Variants in PGM5 observed in about 807,000 individuals in gnomAD.
PGM5 encodes the protein phosphoglucomutase-like protein 5.
PGM5 carries 23 observed loss-of-function variants against 59.2 expected under a neutral mutation model. The observed-to-expected ratio is 0.39, with a 90% confidence interval of 0.28 to 0.55. PGM5 has a LOEUF of 0.55. PGM5 is among the 20% of genes least tolerant of loss of function. The pLI is 0.66. For missense variants in PGM5, 574 were observed against 748.3 expected (o/e 0.77, Z 2.72); for synonymous variants, 214 against 286.0 (o/e 0.75, Z 2.54).
At chr9:68,478,466 T>C (rs986660171) in intron 7 of PGM5, among the ~76,000 whole-genome samples, 1 of 152,178 alleles carries the variant, frequency 6.6e-6, no homozygotes, top group Admixed American at 6.5e-5. Flanking sequence ...TCTGTATTAA[T>C]CTCCTAGGGC....
chr9:68,380,529 C>T (rs1283909051), intron 2 of PGM5, among the ~76,000 whole-genome samples: 1 of 151,424 alleles, frequency 6.6e-6, no homozygotes, highest in African/African-American at 2.4e-5. Flanking sequence ...AACATTATGC[C>T]CCAAGGAGCT....
At chr9:68,509,716 G>A (rs1034192645) in intron 10 of PGM5, among the ~76,000 whole-genome samples, 1 of 152,108 alleles carries the variant, frequency 6.6e-6, no homozygotes, top group Non-Finnish European at 1.5e-5. Context: ...TGATGAGAAG[G>A]TTTAGGATTA....
chr9:68,435,137 ACTAC>A (rs1383941465), intron 6 of PGM5, among the ~76,000 whole-genome samples: 13 of 152,114 alleles, frequency 8.5e-5, no homozygotes, highest in African/African-American at 3.1e-4. Flanking sequence ...CCTTGAGCAC[ACTAC>A]CTAAGGAGAG....
chr9:68,382,243 C>G (rs2770877), intron 2 of PGM5, among the ~76,000 whole-genome samples: 1 of 151,598 alleles, frequency 6.6e-6, no homozygotes, highest in South Asian at 2.1e-4. Flanking sequence ...TAATTTTGGA[C>G]CAGGGCACCA....
At chr9:68,365,477 G>A (rs1471845733) in intron 1 of PGM5, among the ~76,000 whole-genome samples, 1 of 151,674 alleles carries the variant, frequency 6.6e-6, no homozygotes, top group African/African-American at 2.4e-5. Flanking sequence ...TATGTGACTT[G>A]TTAAAATGAA....
intron 6 of PGM5, among the ~76,000 whole-genome samples, chr9:68,457,017 A>G (rs10868856): frequency 0.27 from 41,346 of 151,946 alleles, 6,776 homozygotes; most frequent in South Asian, 0.39. Flanking sequence ...ATATATTTTC[A>G]TATTGGCCAA....
Position 68,494,211 on chromosome 9 carries a change from G to A in PGM5, c.1480-5016G>A, listed in dbSNP as rs782606395. ...TCACAGTTGCTCCAGGAATTCCTAC[G>A]AAGACTGTGCTAAAAAAAAAAAATA... On this transcript the variant is annotated intron_variant, in intron 9 of 10. Transcript: ENST00000396396. Among the ~76,000 whole-genome samples, 26 of 151,924 alleles carry A rather than the reference G, an allele frequency of 1.7e-4. 1 individual carries two copies. Among genetic ancestry groups the A allele is most frequent in the Admixed American group, 1.4e-3 (22 of 15,260 alleles).
intron 7 of PGM5, among the ~76,000 whole-genome samples, chr9:68,473,297 G>A (rs1219161974): frequency 6.6e-6 from 1 of 152,152 alleles, no homozygotes; most frequent in Non-Finnish European, 1.5e-5. Flanking sequence ...GTAAACTGGA[G>A]AAATAAAGGG....
At chr9:68,508,141 A>G (rs1354071751) in intron 10 of PGM5, among the ~76,000 whole-genome samples, 1 of 152,182 alleles carries the variant, frequency 6.6e-6, no homozygotes, top group East Asian at 1.9e-4. Context: ...TGAACCACTC[A>G]TGTTAATCCC....
rs577977121 is a variant in PGM5 at position 68,519,161 on chromosome 9, C to G, written c.1615-10406C>G. Among the ~76,000 whole-genome samples the G allele has an allele frequency of 2.6e-5, 4 of 152,032 alleles. No homozygotes were observed. The South Asian group carries it at 8.3e-4, about 32-fold the overall frequency. ...AGATAAACAAAAGCTGAGAGAGTAT[C>G]TACACAAAAAGAAATTCTCAAGGAT... is the stretch of plus-strand genomic sequence containing the variant. On this transcript the variant is annotated intron_variant, in intron 10 of 10. Coordinates refer to ENST00000396396, the MANE Select transcript of PGM5 (RefSeq NM_021965.4).
chr9:68,451,094 C>A (rs996575980), intron 6 of PGM5, among the ~76,000 whole-genome samples: 1 of 152,160 alleles, frequency 6.6e-6, no homozygotes, highest in Middle Eastern at 3.2e-3. Context: ...CATCCATACA[C>A]AAACACATAC....
chr9:68,461,113 G>T (rs1308207520), intron 6 of PGM5, among the ~76,000 whole-genome samples: 2 of 151,994 alleles, frequency 1.3e-5, no homozygotes, highest in Non-Finnish European at 2.9e-5. Context: ...TTAAAAACAG[G>T]TGTTCCTGAT....
chr9:68,501,429 C>G (rs1337569494), intron 10 of PGM5, among the ~76,000 whole-genome samples: 1 of 152,228 alleles, frequency 6.6e-6, no homozygotes, highest in African/African-American at 2.4e-5. Flanking sequence ...GTCTTAATTA[C>G]TGCTGAACTC....
chr9:68,449,218 G>A (rs558436258), intron 6 of PGM5, among the ~76,000 whole-genome samples: 21 of 152,292 alleles, frequency 1.4e-4, no homozygotes, highest in Admixed American at 3.3e-4. Context: ...ATAATATCAC[G>A]TTGGGGGTTA....
chr9:68,445,038 C>G (rs1471762671), intron 6 of PGM5, among the ~76,000 whole-genome samples: 3 of 152,144 alleles, frequency 2.0e-5, no homozygotes, highest in Non-Finnish European at 4.4e-5. Flanking sequence ...CCCCTAATAT[C>G]CCTTTTTGTT....
chr9:68,427,124 C>T (rs1823251881), intron 6 of PGM5, among the ~76,000 whole-genome samples: 1 of 152,162 alleles, frequency 6.6e-6, no homozygotes, highest in South Asian at 2.1e-4. Context: ...ACACAGGTGG[C>T]CTCATCAGCC....
At chr9:68,467,362 G>T (rs1175904524) in intron 7 of PGM5, among the ~76,000 whole-genome samples, 1 of 152,118 alleles carries the variant, frequency 6.6e-6, no homozygotes, top group Non-Finnish European at 1.5e-5. Flanking sequence ...GAATTTTCAG[G>T]ATCTGTCTCT....
At chr9:68,469,038 C>T (rs1823981532) in intron 7 of PGM5, among the ~76,000 whole-genome samples, 2 of 152,278 alleles carry the variant, frequency 1.3e-5, no homozygotes, top group South Asian at 2.1e-4. Context: ...ATGCCTCAGC[C>T]TCCCAAGTAG....
chr9:68,363,026 G>T (rs1263005162), intron 1 of PGM5, among the ~76,000 whole-genome samples: 2 of 151,518 alleles, frequency 1.3e-5, no homozygotes, highest in African/African-American at 2.4e-5. Flanking sequence ...GCACCACCAC[G>T]CCTAGCTAAT....
Sources: allele counts gnomAD v4.1 joint callset (sites outside exome capture counted in the v4.1 genomes callset), GRCh38; gene constraint gnomAD v4.1.1; transcripts MANE v1.5; gene names NCBI Gene and HGNC (gene_info 2026-07-23, HGNC 2026-07-21).